Variants in SHANK2 observed in about 807,000 individuals in gnomAD.
SHANK2 encodes the protein SH3 and multiple ankyrin repeat domains 2.
SHANK2 carries 43 observed loss-of-function variants against 133.7 expected under a neutral mutation model. That is an observed-to-expected ratio of 0.32 (90% confidence interval 0.25 to 0.41). The LOEUF is 0.41. Among genes scored for constraint, SHANK2 ranks in the 10% least tolerant of loss-of-function variants. SHANK2 has a pLI of 1.00. For missense variants in SHANK2, 1,994 were observed against 2,235.8 expected, an observed-to-expected ratio of 0.89 and a Z score of 2.18; for synonymous variants, 1,017 against 952.8, an observed-to-expected ratio of 1.07 and a Z score of -1.24.
chr11:71,140,106 C>A (rs797023061), intron 3 of SHANK2, among the ~76,000 whole-genome samples: 3 of 152,318 alleles, frequency 2.0e-5, no homozygotes, highest in African/African-American at 7.2e-5. Context: ...AGGACTCAGC[C>A]CCACAAGGGA....
chr11:70,475,476 T>C (rs2058651381), intron 25 of SHANK2, among the ~76,000 whole-genome samples: 1 of 152,210 alleles, frequency 6.6e-6, no homozygotes, highest in Non-Finnish European at 1.5e-5. Flanking sequence ...GTTTTTTTCT[T>C]TTCTCTTTCT....
At chr11:71,247,512 C>CAA (rs1178941807) in intron 1 of SHANK2, among the ~76,000 whole-genome samples, 1 of 123,018 alleles carries the variant, frequency 8.1e-6, no homozygotes, top group Non-Finnish European at 1.8e-5. Flanking sequence ...CAGGGACAGA[C>CAA]AAAAAAAAAA....
chr11:70,802,280 G>C (rs1369521016), intron 13 of SHANK2, among the ~76,000 whole-genome samples: 3 of 152,210 alleles, frequency 2.0e-5, no homozygotes, highest in African/African-American at 7.2e-5. Flanking sequence ...GTGGGGATAA[G>C]CTTGTTGGAG....
intron 17 of SHANK2, among the ~76,000 whole-genome samples, chr11:70,566,015 C>A (rs1456243898): frequency 5.9e-5 from 9 of 152,042 alleles, no homozygotes; most frequent in African/African-American, 2.2e-4. Flanking sequence ...GCTGGGGAGG[C>A]CTCACAATCA....
At chr11:70,854,260 G>A (rs1444503650) in intron 11 of SHANK2, among the ~76,000 whole-genome samples, 1 of 152,216 alleles carries the variant, frequency 6.6e-6, no homozygotes, top group Admixed American at 6.5e-5. Flanking sequence ...AGATCTCAAA[G>A]GTCCTTGTTG....
intron 25 of SHANK2, among the ~76,000 whole-genome samples, chr11:70,481,364 A>G (rs1202005474): frequency 1.3e-5 from 2 of 152,240 alleles, no homozygotes. Context: ...GTTAAATCAA[A>G]CATACCCAAG....
intron 2 of SHANK2, among the ~76,000 whole-genome samples, chr11:71,180,274 C>T (rs1037859398): frequency 2.6e-5 from 4 of 152,172 alleles, no homozygotes; most frequent in African/African-American, 9.7e-5. Context: ...CCACGGGGCA[C>T]AGAATATGTG....
intron 1 of SHANK2, among the ~76,000 whole-genome samples, chr11:71,232,641 G>A (rs1459774699): frequency 2.0e-5 from 3 of 152,084 alleles, no homozygotes; most frequent in African/African-American, 7.2e-5. Context: ...TCAGTGAGGA[G>A]TGAATGTATT....
chr11:70,865,684 A>G (rs1002542861), intron 11 of SHANK2, among the ~76,000 whole-genome samples: 3 of 152,184 alleles, frequency 2.0e-5, no homozygotes, highest in Non-Finnish European at 4.4e-5. Flanking sequence ...GCCACAGGAC[A>G]CTGCCTCGCA....
chr11:70,523,356 G>A (rs1304547709), intron 17 of SHANK2, among the ~76,000 whole-genome samples: 1 of 152,212 alleles, frequency 6.6e-6, no homozygotes, highest in Non-Finnish European at 1.5e-5. Flanking sequence ...GGGTAGGAAT[G>A]CCTGGGTTCA....
In SHANK2 at chr11:71,200,831, TACAC is replaced by T. The variant is rs56749664; in HGVS notation, c.-13+23862_-13+23865del. ...CAGAGAGGTATCAAGTCTCAATTAA[TACAC>T]ACACACACACACACACACACACACA... On this transcript the variant is annotated intron_variant, in intron 2 of 25. Transcript: ENST00000601538. Among the ~76,000 whole-genome samples, 721 of 145,014 alleles carry T rather than the reference TACAC, an allele frequency of 5.0e-3. 3 individuals are homozygous for T. The highest frequency in any genetic ancestry group is 0.011 in the African/African-American group (422 of 39,170).
chr11:70,734,262 G>C (rs1161058489), intron 14 of SHANK2, among the ~76,000 whole-genome samples: 1 of 152,204 alleles, frequency 6.6e-6, no homozygotes, highest in Non-Finnish European at 1.5e-5. Flanking sequence ...GTTTTAACTG[G>C]GTTGTTCGAG....
chr11:70,649,123 C>T (rs1177800006), intron 17 of SHANK2, among the ~76,000 whole-genome samples: 1 of 152,196 alleles, frequency 6.6e-6, no homozygotes, highest in Non-Finnish European at 1.5e-5. Flanking sequence ...GCCATCTCCC[C>T]TTCTCACCCA....
At position 70,820,442 on chromosome 11, in the gene SHANK2, C is replaced by T. The variant is rs781977559; in HGVS notation, c.1415G>A (p.Arg472His). The change falls in exon 12 of 26, where the codon CGC becomes CAC. Residue 472 changes from arginine to histidine, a missense_variant. Arg to His is a conservative substitution (Grantham distance 29, BLOSUM62 0). Around this residue, in one of 5 missense-constraint regions of SHANK2, gnomAD observed 653 missense variants for 563.4 expected, o/e 1.16. Transcript: ENST00000601538. ...CCTGTTGAGCGATGGGGACCGGCTG[C>T]GGGGCCCGGGCACGTAGCTCCCAAT... is the stretch of plus-strand genomic sequence containing the variant. The part of the protein sequence containing the change: ...KTIGSYVPGP[R>H]SRSPSLNRLG... The T allele has an allele frequency of 1.1e-5, 8 of 711,638 alleles. No individual in the cohort carries two copies. Among genetic ancestry groups the T allele is most frequent in the South Asian group, 8.9e-5 (6 of 67,238 alleles). The allele number at this position is 711,638 out of a possible 1,614,324, so 44.1% of individuals were successfully genotyped here.
chr11:70,707,795 G>A (rs1555025276), intron 14 of SHANK2, among the ~76,000 whole-genome samples: 1 of 152,160 alleles, frequency 6.6e-6, no homozygotes, highest in African/African-American at 2.4e-5. Flanking sequence ...TGGACGTTCT[G>A]GTCTACAAGT....
intron 3 of SHANK2, among the ~76,000 whole-genome samples, chr11:71,126,582 A>G (rs1279779588): frequency 1.3e-5 from 2 of 152,200 alleles, no homozygotes; most frequent in East Asian, 3.8e-4. Flanking sequence ...CCTCAGATGG[A>G]GCTGGGCAAA....
chr11:70,771,521 C>T (rs143521053), intron 14 of SHANK2, among the ~76,000 whole-genome samples: 61 of 152,312 alleles, frequency 4.0e-4, no homozygotes, highest in Non-Finnish European at 7.9e-4. Context: ...GTGAAGGGAG[C>T]AGCTGGGCTG....
At position 70,587,359 on chromosome 11, in the gene SHANK2, G is replaced by T. The variant is rs538511345; in HGVS notation, c.2061+72469C>A. ...CCCTAATGGGGCAGAGGGGAGAAGC[G>T]GGGAGAGCGATCTGGAGAAAGGAGC... On this transcript the variant is annotated intron_variant, in intron 17 of 25. Transcript: ENST00000601538. 5.9e-5 allele frequency among the ~76,000 whole-genome samples: 9 copies of T among 152,308 alleles called. No homozygotes were observed. The East Asian group carries it at 1.7e-3, about 29-fold the overall frequency.
intron 10 of SHANK2, among the ~76,000 whole-genome samples, 189 bp from the exon 11 acceptor site, chr11:70,896,756 C>T (rs1260798701): frequency 2.0e-5 from 3 of 152,234 alleles, no homozygotes; most frequent in Admixed American, 2.0e-4. Flanking sequence ...AAGCAGTTGG[C>T]TGTTCTATGA....
Sources: gnomAD v4.1 joint callset for allele counts (sites outside exome capture counted in the v4.1 genomes callset) on GRCh38, gnomAD v4.1.1 for gene constraint, gnomAD v4.1.1 regional missense constraint, MANE v1.5 for transcripts, NCBI Gene and HGNC (gene_info 2026-07-23, HGNC 2026-07-21) for gene names.